Variants in EEFSEC observed in about 807,000 individuals in gnomAD.
EEFSEC encodes selenocysteine-specific elongation factor.
In EEFSEC, 43 loss-of-function variants were observed where a neutral mutation model predicts 42.1. The observed-to-expected ratio is 1.02, with a 90% CI of 0.80 to 1.32. EEFSEC has a LOEUF of 1.32. Ranked by LOEUF, EEFSEC falls within the 40% of genes most tolerant of loss-of-function variation. The pLI is 0.00. For synonymous variants in EEFSEC, 354 were observed against 339.1 expected, an observed-to-expected ratio of 1.04 and a Z score of -0.48; for missense variants, 745 against 803.6, an observed-to-expected ratio of 0.93 and a Z score of 0.88.
chr3:128,165,953 T>C lies in EEFSEC; in HGVS notation c.316+12130T>C, dbSNP rs143793042. On this transcript the variant is annotated intron_variant, in intron 1 of 6. Coordinates refer to ENST00000254730, the MANE Select transcript of EEFSEC (RefSeq NM_021937.5). ...GCACTTGAGGAAAAAATGGCCCTGT[T>C]TGTGGTCATTTCCAGGTGAGTTTCA... 3.5e-3 allele frequency among the ~76,000 whole-genome samples: 528 copies of C among 152,342 alleles called. 3 individuals are homozygous for C. Among genetic ancestry groups the C allele is most frequent in the Non-Finnish European group, 6.0e-3 (409 of 68,030 alleles).
At chr3:128,406,662 A>T (rs2068117356) in intron 6 of EEFSEC, among the ~76,000 whole-genome samples, 1 of 152,022 alleles carries the variant, frequency 6.6e-6, no homozygotes, top group Non-Finnish European at 1.5e-5. Context: ...AAATGCAAAA[A>T]ATCAGCTAGG....
chr3:128,411,280 A>G (rs550537158), downstream of EEFSEC, among the ~76,000 whole-genome samples: 38 of 152,214 alleles, frequency 2.5e-4, 1 homozygote, highest in Middle Eastern at 0.014. Flanking sequence ...TATGTAGGAG[A>G]GGGTTCCAGT....
chr3:128,299,547 ATG>A (rs903124473), intron 4 of EEFSEC, among the ~76,000 whole-genome samples: 2 of 152,166 alleles, frequency 1.3e-5, no homozygotes, highest in African/African-American at 4.8e-5. Context: ...GGCTTGTAGC[ATG>A]TGCTCAGGAA....
chr3:128,263,253 T>G (rs955798886), intron 3 of EEFSEC, among the ~76,000 whole-genome samples: 6 of 152,226 alleles, frequency 3.9e-5, no homozygotes, highest in African/African-American at 2.4e-5. Flanking sequence ...TTCAAAGATG[T>G]TAAATAACTT....
chr3:128,338,217 T>A (rs190463514), intron 4 of EEFSEC, among the ~76,000 whole-genome samples: 1 of 152,284 alleles, frequency 6.6e-6, no homozygotes, highest in African/African-American at 2.4e-5. Flanking sequence ...GTAGTGAGCC[T>A]TTACACAATC....
At chr3:128,176,904 A>G (rs1323323610) in intron 1 of EEFSEC, among the ~76,000 whole-genome samples, 1 of 151,998 alleles carries the variant, frequency 6.6e-6, no homozygotes, top group Non-Finnish European at 1.5e-5. Flanking sequence ...GCCTCACATG[A>G]CACTCCATTG....
chr3:128,155,368 C>T (rs141675801), intron 1 of EEFSEC, among the ~76,000 whole-genome samples: 1,930 of 152,262 alleles, frequency 0.013, 23 homozygotes, highest in Middle Eastern at 0.048. Context: ...GCCTCGGCCT[C>T]CCAAAGTGCT....
chr3:128,280,973 A>G (rs1248322680), intron 4 of EEFSEC, among the ~76,000 whole-genome samples: 1 of 152,176 alleles, frequency 6.6e-6, no homozygotes, highest in Non-Finnish European at 1.5e-5. Flanking sequence ...ATTATCATAT[A>G]CAAATACTTT....
chr3:128,254,304 C>T (rs2066219560), intron 2 of EEFSEC, among the ~76,000 whole-genome samples: 1 of 152,206 alleles, frequency 6.6e-6, no homozygotes, highest in Admixed American at 6.5e-5. Flanking sequence ...GAGCACAGGC[C>T]AGGAACTGGC....
At chr3:128,195,728 A>G (rs1448577701) in intron 1 of EEFSEC, among the ~76,000 whole-genome samples, 2 of 152,290 alleles carry the variant, frequency 1.3e-5, no homozygotes, top group African/African-American at 2.4e-5. Flanking sequence ...TATCCTTGGA[A>G]GATAGGTTGG....
chr3:128,304,745 C>A (rs1331746691), intron 4 of EEFSEC, among the ~76,000 whole-genome samples: 2 of 151,826 alleles, frequency 1.3e-5, no homozygotes, highest in East Asian at 3.9e-4. Context: ...ACTCTGTCAC[C>A]CAGACTGGAA....
chr3:128,423,122 C>T, the EEFSEC span, among the ~76,000 whole-genome samples: 65 of 152,312 alleles, frequency 4.3e-4, no homozygotes, highest in Non-Finnish European at 4.3e-4. Context: ...CAGAGGGAAA[C>T]GGGCACACAG....
chr3:128,337,765 G>A (rs2067206531), intron 4 of EEFSEC, among the ~76,000 whole-genome samples: 1 of 152,162 alleles, frequency 6.6e-6, no homozygotes, highest in South Asian at 2.1e-4. Flanking sequence ...CATTTGATAG[G>A]CCAAAATTAA....
At chr3:128,196,268 A>C (rs1180047496) in intron 1 of EEFSEC, among the ~76,000 whole-genome samples, 1 of 152,278 alleles carries the variant, frequency 6.6e-6, no homozygotes, top group Non-Finnish European at 1.5e-5. Context: ...ACATAAACAC[A>C]AGAAACACAC....
At chr3:128,295,320 T>C (rs1368364162) in intron 4 of EEFSEC, among the ~76,000 whole-genome samples, 2 of 152,184 alleles carry the variant, frequency 1.3e-5, no homozygotes, top group Non-Finnish European at 2.9e-5. Context: ...GTCACCTGTT[T>C]GTAGTTTTCA....
chr3:128,330,658 C>T (rs1042460166), intron 4 of EEFSEC, among the ~76,000 whole-genome samples: 2 of 152,030 alleles, frequency 1.3e-5, no homozygotes, highest in African/African-American at 2.4e-5. Context: ...ACACTAGCCA[C>T]GCTGTGTGCA....
rs188390464 is a variant in EEFSEC, at chr3:128,351,575, G to A, written c.1444-6642G>A. On this transcript the variant is annotated intron_variant, in intron 5 of 6. Transcript: ENST00000254730. ...ATGGCACGTTTGCCTGCCTTCCTTC[G>A]TATCACTTCTACAATTTGAATTAGA... Among the ~76,000 whole-genome samples the A allele has an allele frequency of 3.0e-4, 46 of 152,248 alleles. No homozygotes were observed. In the East Asian group the frequency reaches 8.3e-3, roughly 27 times the overall value.
At chr3:128,267,341 C>G (rs764482358) in intron 4 of EEFSEC, among the ~76,000 whole-genome samples, 4 of 152,164 alleles carry the variant, frequency 2.6e-5, no homozygotes, top group Non-Finnish European at 2.9e-5. Context: ...GGGCACATGG[C>G]AGGTGCTTGG....
At chr3:128,250,041 G>A (rs1403319978) in intron 2 of EEFSEC, among the ~76,000 whole-genome samples, 2 of 151,978 alleles carry the variant, frequency 1.3e-5, no homozygotes, top group South Asian at 2.1e-4. Context: ...GGCCATTTGT[G>A]TATCTTTTTT....
Sources: gnomAD v4.1 joint callset for allele counts (sites outside exome capture counted in the v4.1 genomes callset) on GRCh38, gnomAD v4.1.1 for gene constraint, MANE v1.5 for transcripts, NCBI Gene and HGNC (gene_info 2026-07-23, HGNC 2026-07-21) for gene names.